TGM6: variants seen among roughly 807,000 people sequenced by gnomAD.
TGM6 encodes transglutaminase 6.
In TGM6, 74 loss-of-function variants were observed where a neutral mutation model predicts 77.5. That is an observed-to-expected ratio of 0.96 (90% CI 0.79 to 1.16). The LOEUF (loss-of-function observed/expected upper bound fraction) is 1.16. Among genes scored for constraint, TGM6 ranks in the 50% most tolerant of loss-of-function variants. TGM6 has a pLI of 0.00. For missense variants in TGM6, 968 were observed against 940.2 expected (o/e 1.03, Z -0.39); for synonymous variants, 383 against 378.9 (o/e 1.01, Z -0.12).
intron 10 of TGM6, among the ~76,000 whole-genome samples, chr20:2,429,595 C>A (rs1415005987): frequency 1.3e-5 from 2 of 151,924 alleles, no homozygotes; most frequent in East Asian, 3.9e-4. Context: ...ATGGTGAAAC[C>A]CCATCTCTAC....
intron 9 of TGM6, among the ~76,000 whole-genome samples, chr20:2,408,950 G>A (rs1029689255): frequency 1.3e-5 from 2 of 151,924 alleles, no homozygotes; most frequent in East Asian, 1.9e-4. Context: ...GAGAGGAAGC[G>A]AACATTTGTC....
intron 10 of TGM6, among the ~76,000 whole-genome samples, chr20:2,418,664 A>G (rs1599963578): frequency 6.6e-6 from 1 of 152,312 alleles, no homozygotes; most frequent in South Asian, 2.1e-4. Flanking sequence ...TGCTCAACAC[A>G]CCTAATGGTA....
At chr20:2,412,753 T>C (rs1321646295) in intron 9 of TGM6, among the ~76,000 whole-genome samples, 1 of 151,924 alleles carries the variant, frequency 6.6e-6, no homozygotes, top group East Asian at 1.9e-4. Context: ...AATCCAAAAA[T>C]GAAATTAAGA....
At chr20:2,401,397 T>C (rs1488271858) in intron 7 of TGM6, among the ~76,000 whole-genome samples, 1 of 152,196 alleles carries the variant, frequency 6.6e-6, no homozygotes, top group African/African-American at 2.4e-5. Context: ...AGAGAGATGC[T>C]CTGCAGACAC....
rs548499207 is a variant in TGM6 at position 2,402,728 on chromosome 20, A to G, written c.990-669A>G. The stretch of plus-strand genomic sequence containing the variant: ...AGGTGATGTCATGTTTCCTACTCAT[A>G]TTCTCATCTTTAACACGGGGAATTA... On this transcript the variant is annotated intron_variant, in intron 7 of 12. Coordinates refer to ENST00000202625, the MANE Select transcript of TGM6 (RefSeq NM_198994.3). Among the ~76,000 whole-genome samples the G allele has an allele frequency of 3.3e-5, 5 of 152,268 alleles. No homozygotes were observed. In the East Asian group the frequency reaches 9.7e-4, roughly 29 times the overall value.
rs371310592 is a variant in TGM6 at position 2,398,061 on chromosome 20, C to T, written c.672+15C>T. ...TCAGTGCCATGGTGAGAAGCCCCTCCATCCCTGCACATGTACTTCCTCAAG... is the reference window on the plus strand; with the variant it reads ...TCAGTGCCATGGTGAGAAGCCCCTCTATCCCTGCACATGTACTTCCTCAAG... On this transcript the variant is annotated intron_variant, in intron 5 of 12. Coordinates refer to ENST00000202625, the MANE Select transcript of TGM6 (RefSeq NM_198994.3). 1 of 1,614,056 alleles carries T rather than the reference C, an allele frequency of 6.2e-7. No homozygotes were observed. The highest frequency in any genetic ancestry group is 1.3e-5 in the African/African-American group (1 of 74,906).
At chr20:2,427,345 CT>C (rs2084894567) in intron 10 of TGM6, among the ~76,000 whole-genome samples, 2 of 152,108 alleles carry the variant, frequency 1.3e-5, no homozygotes, top group African/African-American at 4.8e-5. Flanking sequence ...AACTTGTTAC[CT>C]TTACTATCCT....
chr20:2,400,188 A>G, intron 6 of TGM6, 118 bp from the exon 7 acceptor site: 1 of 1,446,210 alleles, frequency 6.9e-7, no homozygotes, highest in Non-Finnish European at 9.5e-7. Flanking sequence ...AGACACACAG[A>G]CAAAGATGGG....
intron 10 of TGM6, among the ~76,000 whole-genome samples, chr20:2,422,546 A>G (rs912677422): frequency 3.3e-5 from 5 of 152,332 alleles, no homozygotes; most frequent in Admixed American, 2.6e-4. Context: ...TTATATTTAC[A>G]TTATACTGTA....
chr20:2,402,188 G>A (rs970154921), intron 7 of TGM6, among the ~76,000 whole-genome samples: 29 of 152,284 alleles, frequency 1.9e-4, no homozygotes, highest in African/African-American at 7.0e-4. Flanking sequence ...GTTGCAGTAA[G>A]CCAAGATTGT....
chr20:2,399,375 A>C (rs780229898), intron 5 of TGM6, among the ~76,000 whole-genome samples, 186 bp from the exon 6 acceptor site: 2 of 152,238 alleles, frequency 1.3e-5, no homozygotes, highest in African/African-American at 2.4e-5. Flanking sequence ...AGATAATTGA[A>C]AATGACAAGT....
intron 9 of TGM6, among the ~76,000 whole-genome samples, chr20:2,409,256 A>G (rs2084770227): frequency 6.6e-6 from 1 of 152,252 alleles, no homozygotes; most frequent in Admixed American, 6.5e-5. Context: ...AAAGATCACA[A>G]GTCAAATTAG....
intron 12 of TGM6, 151 bp downstream of exon 12, chr20:2,431,178 A>G (rs1275384373): frequency 3.3e-6 from 3 of 900,526 alleles, no homozygotes; most frequent in Non-Finnish European, 4.9e-6. Context: ...TCATTCACTT[A>G]TTTATTCCTT....
intron 11 of TGM6, 65 bp downstream of exon 11, chr20:2,430,665 G>T: frequency 1.9e-6 from 3 of 1,610,420 alleles, no homozygotes; most frequent in Non-Finnish European, 1.7e-6. Flanking sequence ...CTGGGGGAGG[G>T]CGTCAGAAGC....
At chr20:2,414,385 A>G (rs1360769299) in intron 9 of TGM6, among the ~76,000 whole-genome samples, 1 of 152,220 alleles carries the variant, frequency 6.6e-6, no homozygotes, top group Non-Finnish European at 1.5e-5. Context: ...CATCCACTAG[A>G]ACTACCGTCA....
intron 7 of TGM6, among the ~76,000 whole-genome samples, chr20:2,401,041 C>T (rs1036407354): frequency 1.3e-5 from 2 of 151,850 alleles, no homozygotes; most frequent in African/African-American, 4.8e-5. Flanking sequence ...CCCATCCCTA[C>T]TAAAAACACA....
intron 4 of TGM6, among the ~76,000 whole-genome samples, chr20:2,397,468 T>C (rs1026308675): frequency 1.3e-5 from 2 of 152,212 alleles, no homozygotes; most frequent in Non-Finnish European, 2.9e-5. Flanking sequence ...GGGTAGCCAC[T>C]ACTCAGCACC....
intron 9 of TGM6, among the ~76,000 whole-genome samples, chr20:2,414,887 G>A (rs1599959481): frequency 6.7e-6 from 1 of 148,800 alleles, no homozygotes; most frequent in Admixed American, 6.7e-5. Context: ...TAGGGCTGGG[G>A]TTGGGGTGGG....
intron 9 of TGM6, among the ~76,000 whole-genome samples, chr20:2,409,716 A>C (rs1339506405): frequency 1.3e-5 from 2 of 152,050 alleles, no homozygotes; most frequent in Non-Finnish European, 2.9e-5. Context: ...TCTCAAAAAA[A>C]AAAAAAGAAC....
Sources: gnomAD v4.1 joint callset for allele counts (sites outside exome capture counted in the v4.1 genomes callset) on GRCh38, gnomAD v4.1.1 for gene constraint, MANE v1.5 for transcripts, NCBI Gene and HGNC (gene_info 2026-07-23, HGNC 2026-07-21) for gene names.